GAS2: variants seen among roughly 807,000 people sequenced by gnomAD.
GAS2 encodes growth arrest specific 2.
GAS2 carries 20 observed loss-of-function variants against 37.5 expected under a neutral mutation model. That is an observed-to-expected ratio of 0.53 (90% CI 0.37 to 0.77). GAS2 has a LOEUF of 0.77. GAS2 is among the 30% of genes least tolerant of loss of function. The probability of loss-of-function intolerance (pLI) is 0.00; values close to 1 mark genes in which losing one functional copy is unlikely to be tolerated. For synonymous variants in GAS2, 144 were observed against 132.2 expected (o/e 1.09, Z -0.61); for missense variants, 336 against 373.4 (o/e 0.90, Z 0.82).
At chr11:22,680,655 C>T (rs1186182691) in intron 2 of GAS2, among the ~76,000 whole-genome samples, 1 of 152,104 alleles carries the variant, frequency 6.6e-6, no homozygotes, top group Non-Finnish European at 1.5e-5. Context: ...ATTCTCCAGT[C>T]TACAAGGTGG....
chr11:22,638,104 A>G (rs1014739273), intron 1 of GAS2, among the ~76,000 whole-genome samples: 1 of 152,046 alleles, frequency 6.6e-6, no homozygotes, highest in Non-Finnish European at 1.5e-5. Flanking sequence ...TAAGCCTCCA[A>G]ATTATACATC....
chr11:22,767,078 G>A (rs911756062), intron 7 of GAS2, among the ~76,000 whole-genome samples: 17 of 152,044 alleles, frequency 1.1e-4, no homozygotes, highest in African/African-American at 4.1e-4. Flanking sequence ...CTTGTTTCTT[G>A]ATAGCAGTAC....
intron 7 of GAS2, among the ~76,000 whole-genome samples, chr11:22,773,791 A>T (rs1028338627): frequency 6.6e-6 from 1 of 152,104 alleles, no homozygotes; most frequent in Admixed American, 6.6e-5. Flanking sequence ...TCATTTCAAC[A>T]TGATCTCCTT....
At chr11:22,789,303 T>TATATATATATATATATATATACACAC (rs1350750428) in intron 7 of GAS2, among the ~76,000 whole-genome samples, 3 of 111,118 alleles carry the variant, frequency 2.7e-5, no homozygotes, top group African/African-American at 1.1e-4. Flanking sequence ...TATATATATA[T>TATATATATATATATATATATACACAC]ACACACACAC....
At chr11:22,647,268 C>T (rs959199404) in intron 1 of GAS2, among the ~76,000 whole-genome samples, 4 of 151,834 alleles carry the variant, frequency 2.6e-5, no homozygotes, top group Admixed American at 6.6e-5. Flanking sequence ...TTTTTTATGG[C>T]TGCATAGTAT....
At chr11:22,793,354 G>T (rs1856267753) in intron 7 of GAS2, among the ~76,000 whole-genome samples, 3 of 152,040 alleles carry the variant, frequency 2.0e-5, no homozygotes. Flanking sequence ...TATAGATAAT[G>T]AAATTGGTTT....
intron 3 of GAS2, among the ~76,000 whole-genome samples, chr11:22,725,633 C>T (rs1852164667): frequency 6.6e-6 from 1 of 152,002 alleles, no homozygotes; most frequent in Admixed American, 6.6e-5. Context: ...CATTATGTTG[C>T]CCAGGTTAGT....
chr11:22,684,931 A>AT lies in GAS2; in HGVS notation c.146-735dup, dbSNP rs1022012435. On this transcript the variant is annotated intron_variant, in intron 2 of 7. Coordinates refer to ENST00000454584, the MANE Select transcript of GAS2 (RefSeq NM_001143830.3). Reference sequence around the variant, plus strand: ...AGAATCTAGAGATATGGTTTTATACATTGGCCATGTTATTCAAGTTCCCAA... The same window carrying AT: ...AGAATCTAGAGATATGGTTTTATACATTTGGCCATGTTATTCAAGTTCCCAA... 5.1e-4 allele frequency among the ~76,000 whole-genome samples: 78 copies of AT among 152,356 alleles called. 1 individual carries two copies. The highest frequency in any genetic ancestry group is 1.7e-3 in the African/African-American group (72 of 41,584).
intron 7 of GAS2, among the ~76,000 whole-genome samples, chr11:22,798,641 G>A (rs547362271): frequency 4.6e-5 from 7 of 152,166 alleles, no homozygotes; most frequent in South Asian, 4.2e-4. Context: ...GTTTATTTGG[G>A]CTGTGATTAA....
intron 2 of GAS2, among the ~76,000 whole-genome samples, chr11:22,684,516 A>G (rs946555531): frequency 2.0e-5 from 3 of 152,092 alleles, no homozygotes; most frequent in African/African-American, 7.3e-5. Flanking sequence ...CAAAAAATTA[A>G]GGCAGGAAAA....
chr11:22,723,497 T>G (rs1024804280), intron 3 of GAS2, among the ~76,000 whole-genome samples: 2 of 151,974 alleles, frequency 1.3e-5, no homozygotes, highest in Admixed American at 6.6e-5. Context: ...TGCATATTCT[T>G]TCAAAATGTA....
chr11:22,631,638 G>T (rs1272259250), intron 1 of GAS2, among the ~76,000 whole-genome samples: 1 of 152,082 alleles, frequency 6.6e-6, no homozygotes, highest in Non-Finnish European at 1.5e-5. Context: ...ACTTGCATAT[G>T]TTGAGCCATT....
intron 7 of GAS2, among the ~76,000 whole-genome samples, chr11:22,768,096 G>A (rs946992356): frequency 1.3e-5 from 2 of 152,076 alleles, no homozygotes; most frequent in Admixed American, 6.6e-5. Flanking sequence ...TTGAAGGCTG[G>A]GTGTACAGTG....
At chr11:22,663,784 T>C (rs886634917), upstream of GAS2, among the ~76,000 whole-genome samples, 3 of 152,220 alleles carry the variant, frequency 2.0e-5, no homozygotes, top group African/African-American at 4.8e-5. Flanking sequence ...AGTCTGTTTT[T>C]ATTCGTAACA....
At chr11:22,695,897 G>A (rs924830432) in intron 3 of GAS2, among the ~76,000 whole-genome samples, 3 of 151,906 alleles carry the variant, frequency 2.0e-5, no homozygotes, top group Admixed American at 1.3e-4. Context: ...ATTCCAATAC[G>A]TTTCTATTCT....
At chr11:22,682,859 C>T (rs1318142558) in intron 2 of GAS2, among the ~76,000 whole-genome samples, 5 of 113,152 alleles carry the variant, frequency 4.4e-5, no homozygotes, top group African/African-American at 1.7e-4. Flanking sequence ...TGTGGTTAGT[C>T]ACTTTCTGCT....
intron 7 of GAS2, among the ~76,000 whole-genome samples, chr11:22,801,157 T>C (rs1245678425): frequency 6.6e-6 from 1 of 152,018 alleles, no homozygotes; most frequent in Non-Finnish European, 1.5e-5. Flanking sequence ...ATAATGTGAT[T>C]CCAGCCTGTC....
chr11:22,642,051 A>G (rs959996544), intron 1 of GAS2, among the ~76,000 whole-genome samples: 1 of 152,218 alleles, frequency 6.6e-6, no homozygotes, highest in African/African-American at 2.4e-5. Flanking sequence ...ATACCTTGCT[A>G]AGGGAGAGAG....
chr11:22,682,634 C>T (rs1204288804), intron 2 of GAS2, among the ~76,000 whole-genome samples: 1 of 151,860 alleles, frequency 6.6e-6, no homozygotes, highest in African/African-American at 2.4e-5. Flanking sequence ...AATCCCAGCA[C>T]TTTGGGAGGC....
Sources: allele counts gnomAD v4.1 joint callset (sites outside exome capture counted in the v4.1 genomes callset), GRCh38; gene constraint gnomAD v4.1.1; transcripts MANE v1.5; gene names NCBI Gene and HGNC (gene_info 2026-07-23, HGNC 2026-07-21).